Variants in SAT2 observed in about 807,000 individuals in gnomAD.
SAT2 encodes thialysine N-epsilon-acetyltransferase.
In SAT2, 19 loss-of-function variants were observed where a neutral mutation model predicts 24.8. That is an observed-to-expected ratio of 0.77 (90% CI 0.53 to 1.12). The LOEUF (loss-of-function observed/expected upper bound fraction) is 1.12. Among genes scored for constraint, SAT2 ranks in the 50% most tolerant of loss-of-function variants. The probability of loss-of-function intolerance (pLI) is 0.00; values close to 1 mark genes in which losing one functional copy is unlikely to be tolerated. For synonymous variants in SAT2, 77 were observed against 77.4 expected (o/e 0.99, Z 0.03); for missense variants, 190 against 210.7 (o/e 0.90, Z 0.61).
rs758632969 is a variant in SAT2, at chr17:7,627,420, G to T, written c.67-6C>A. ...TTTTCGAATTCGGCTAGCTCCTAAG[G>T]CGTGGGTACGGAAGCTAGATTAGAG... On this transcript the variant is annotated splice_region_variant and splice_polypyrimidine_tract_variant and intron_variant, in intron 1 of 5. Transcript: ENST00000269298. This position sits in a 1 kb window ranked among gnomAD's most constrained non-coding sequence, Gnocchi z 4.8. The T allele has an allele frequency of 5.6e-6, 9 of 1,613,874 alleles. No homozygotes were observed. The highest frequency in any genetic ancestry group is 7.6e-6 in the Non-Finnish European group (9 of 1,179,990).
In SAT2 at chr17:7,627,596, A is replaced by T; in HGVS notation, c.40T>A (p.Cys14Ser). The T allele has an allele frequency of 6.2e-7, 1 of 1,612,250 alleles. No individual in the cohort carries two copies. The highest frequency in any genetic ancestry group is 1.1e-5 in the South Asian group (1 of 90,890). ...CGAATCAGCCTCAGGATATCTCCAC[A>T]GTCTCCCTCCTTGGCCTCTCGGATC... is the stretch of plus-strand genomic sequence containing the variant. ...VRIREAKEGDCGDILRLIREL... is the reference protein window; with the variant it reads ...VRIREAKEGDSGDILRLIREL... The change falls in exon 1 of 6, where the codon TGT becomes AGT. Residue 14 changes from cysteine (C) to serine (S), a missense_variant. Physicochemically the swap from Cys to Ser is moderately radical, Grantham distance 112. Coordinates refer to ENST00000269298, the MANE Select transcript of SAT2 (RefSeq NM_133491.5). The surrounding 1 kb of genome is among the most constrained non-coding windows in gnomAD (Gnocchi z 4.8).
At position 7,626,498 on chromosome 17, in the gene SAT2, C is replaced by T. The variant is rs200187124; in HGVS notation, c.462G>A (p.Trp154Ter). The change falls in exon 6 of 6, where the codon TGG becomes TGA. Residue 154 changes from tryptophan (W) to a stop codon, truncating the protein, a stop_gained. Transcript: ENST00000269298. LOFTEE classifies it high-confidence loss of function. ...CCTCTCCTTGAAAGCAGAAGAAGTGCCAGCCCTCAGCTTCCGTCAGATCTT... is the reference window on the plus strand; with the variant it reads ...CCTCTCCTTGAAAGCAGAAGAAGTGTCAGCCCTCAGCTTCCGTCAGATCTT... ...GAQDLTEAEG[W>*]HFFCFQGEAT... is the part of the protein sequence containing the mutation. The T allele has an allele frequency of 2.5e-6, 4 of 1,614,126 alleles. No individual in the cohort carries two copies. The East Asian group carries it at 8.9e-5, about 36-fold the overall frequency.
At position 7,626,326 on chromosome 17, in the gene SAT2, C is replaced by A. The variant is rs939450125; in HGVS notation, c.*121G>T. 2.4e-5 allele frequency: 26 copies of A among 1,103,802 alleles called. No individual in the cohort carries two copies. Among genetic ancestry groups the A allele is most frequent in the Non-Finnish European group, 3.5e-5 (26 of 753,136 alleles). 68.4% of individuals were successfully genotyped at this position (1,103,802 alleles called of 1,614,324 possible). ...CTCTTCCAATACTTGAGGATAGGCA[C>A]CCCTAACCCTCCTTCCTCCAGGGAG... On this transcript the variant is annotated 3_prime_UTR_variant, in exon 6 of 6. Coordinates refer to ENST00000269298, the MANE Select transcript of SAT2 (RefSeq NM_133491.5).
chr17:7,626,976 G>A lies in SAT2; in HGVS notation c.271C>T (p.Leu91=). The change falls in exon 4 of 6, where the codon CTG becomes TTG. Residue 91 remains leucine, a synonymous_variant. Coordinates refer to ENST00000269298, the MANE Select transcript of SAT2 (RefSeq NM_133491.5). ...TCCGGCATCACATAGATATCCTCCA[G>A]ATAAATGGTGCGTCCCTTCCATGTA... ...YSTWKGRTIY[L]EDIYVMPEYR... is the part of the protein sequence containing the mutation. 1 of 1,614,006 alleles carries A rather than the reference G, an allele frequency of 6.2e-7. No homozygotes were observed. Among genetic ancestry groups the A allele is most frequent in the Non-Finnish European group, 8.5e-7 (1 of 1,179,996 alleles).
In SAT2 at chr17:7,626,945, C is replaced by G. The variant is rs763612506; in HGVS notation, c.302G>C (p.Arg101Pro). ...LEDIYVMPEY[R>P]GQGIGSKIIK... ...CAGCCTCAGCTTCTGCCCAGTACCC[C>G]GATATTCCGGCATCACATAGATATC... Residue 101 changes from arginine (R) to proline (P), a missense_variant and splice_region_variant, in exon 4 of 6, where the codon CGG becomes CCG. Coordinates refer to ENST00000269298, the MANE Select transcript of SAT2 (RefSeq NM_133491.5). 27 of 1,613,422 alleles carry G rather than the reference C, an allele frequency of 1.7e-5. No homozygotes were observed. In the South Asian group the frequency reaches 2.9e-4, roughly 17 times the overall value.
Position 7,627,755 on chromosome 17 carries a change from G to T in SAT2, c.-120C>A, listed in dbSNP as rs761078915. The T allele has an allele frequency of 9.8e-6, 11 of 1,121,528 alleles. No homozygotes were observed. The highest frequency in any genetic ancestry group is 2.6e-5 in the South Asian group (2 of 77,758). 69.5% of individuals were successfully genotyped at this position (1,121,528 alleles called of 1,614,324 possible). On this transcript the variant is annotated 5_prime_UTR_variant, in exon 1 of 6. Transcript: ENST00000269298. This position sits in a 1 kb window ranked among gnomAD's most constrained non-coding sequence, Gnocchi z 4.8. ...GAGAGAGCGGGGTGGCGGGAGTCGG[G>T]GGGGACGGCGGGGTAGCCGCGGCCT...
chr17:7,626,366 G>A lies in SAT2; in HGVS notation c.*81C>T. ...CCTCCAGGGAGGCCTCAGCATCAGT[G>A]TCTGTGGACGTAGTCTCTGAAGAGT... On this transcript the variant is annotated 3_prime_UTR_variant, in exon 6 of 6. Transcript: ENST00000269298. 6.6e-7 allele frequency: 1 copy of A among 1,508,720 alleles called. No homozygotes were observed. Among genetic ancestry groups the A allele is most frequent in the Non-Finnish European group, 9.1e-7 (1 of 1,103,080 alleles). 93.5% of individuals were successfully genotyped at this position (1,508,720 alleles called of 1,614,324 possible).
rs774805709 is a variant in SAT2, at chr17:7,626,940, T to C, written c.304+3A>G. On this transcript the variant is annotated splice_donor_region_variant and intron_variant, in intron 4 of 5. Transcript: ENST00000269298. ...CACCCCAGCCTCAGCTTCTGCCCAGTACCCCGATATTCCGGCATCACATAG... is the reference window on the plus strand; with the variant it reads ...CACCCCAGCCTCAGCTTCTGCCCAGCACCCCGATATTCCGGCATCACATAG... 5.0e-6 allele frequency: 8 copies of C among 1,613,496 alleles called. No individual in the cohort carries two copies. The highest frequency in any genetic ancestry group is 2.5e-6 in the Non-Finnish European group (3 of 1,179,500).
intron 5 of SAT2, 61 bp downstream of exon 5, chr17:7,626,691 TC>T: frequency 1.3e-6 from 2 of 1,572,906 alleles, no homozygotes; most frequent in Admixed American, 1.7e-5. Context: ...TCAACCCGGG[TC>T]CCCCCTCCAT....
chr17:7,627,531 G>T lies in SAT2; in HGVS notation c.66+39C>A. The T allele has an allele frequency of 6.3e-7, 1 of 1,584,744 alleles. No homozygotes were observed. The highest frequency in any genetic ancestry group is 8.7e-7 in the Non-Finnish European group (1 of 1,155,528). ...CCTCCTACGACCCCGCTCTGGCCGC[G>T]CCACTCTGACCCCCGGGTTACCGGC... On this transcript the variant is annotated intron_variant, in intron 1 of 5. Transcript: ENST00000269298. This position sits in a 1 kb window ranked among gnomAD's most constrained non-coding sequence, Gnocchi z 4.8.
chr17:7,627,832 C>A (rs745899905), upstream of SAT2: 37 of 670,620 alleles, frequency 5.5e-5, no homozygotes, highest in East Asian at 9.9e-4. This position sits in a 1 kb window ranked among gnomAD's most constrained non-coding sequence, Gnocchi z 4.8. Flanking sequence ...AGTAGGCCAG[C>A]GAGGCGATCC....
rs1387140228 is a variant in SAT2, at chr17:7,627,376, C to A, written c.105G>T (p.Lys35Asn). Residue 35 changes from lysine (K) to asparagine (N), a missense_variant, in exon 2 of 6, where the codon AAG becomes AAT. Transcript: ENST00000269298. This position sits in a 1 kb window ranked among gnomAD's most constrained non-coding sequence, Gnocchi z 4.8. Reference protein sequence around the residue: ...AEFEKLSDQVKISEEALRADG... With the variant: ...AEFEKLSDQVNISEEALRADG... ...CTGAGCCCCCACCTTCTTCACTGAT[C>A]TTCACCTGATCCGAGAGTTTTTCGA... 1 of 1,614,076 alleles carries A rather than the reference C, an allele frequency of 6.2e-7. No individual in the cohort carries two copies. The highest frequency in any genetic ancestry group is 8.5e-7 in the Non-Finnish European group (1 of 1,180,048).
At chr17:7,627,831 G>C, upstream of SAT2, 1 of 675,174 alleles carries the variant, frequency 1.5e-6, no homozygotes, top group Middle Eastern at 2.4e-4. This position sits in a 1 kb window ranked among gnomAD's most constrained non-coding sequence, Gnocchi z 4.8. Flanking sequence ...GAGTAGGCCA[G>C]CGAGGCGATC....
In SAT2 at chr17:7,626,508, G is replaced by C. The variant is rs749920836; in HGVS notation, c.452C>G (p.Ala151Gly). 1 of 1,614,196 alleles carries C rather than the reference G, an allele frequency of 6.2e-7. No homozygotes were observed. Among genetic ancestry groups the C allele is most frequent in the Admixed American group, 1.7e-5 (1 of 60,010 alleles). ...AAAGCAGAAGAAGTGCCAGCCCTCA[G>C]CTTCCGTCAGATCTTGGGCTCCTAG... The part of the protein sequence containing the change: ...KALGAQDLTE[A>G]EGWHFFCFQG... The change falls in exon 6 of 6, where the codon GCT becomes GGT. Residue 151 changes from alanine to glycine, a missense_variant. Ala to Gly is a moderately conservative substitution (Grantham distance 60, BLOSUM62 0). Transcript: ENST00000269298.
chr17:7,626,357 A>G lies in SAT2; in HGVS notation c.*90T>C. On this transcript the variant is annotated 3_prime_UTR_variant, in exon 6 of 6. Coordinates refer to ENST00000269298, the MANE Select transcript of SAT2 (RefSeq NM_133491.5). ...ACCCTCCTTCCTCCAGGGAGGCCTCAGCATCAGTGTCTGTGGACGTAGTCT... is the reference window on the plus strand; with the variant it reads ...ACCCTCCTTCCTCCAGGGAGGCCTCGGCATCAGTGTCTGTGGACGTAGTCT... The G allele has an allele frequency of 6.9e-7, 1 of 1,453,672 alleles. No homozygotes were observed. The highest frequency in any genetic ancestry group is 1.3e-5 in the South Asian group (1 of 78,008). 90.0% of individuals were successfully genotyped at this position (1,453,672 alleles called of 1,614,324 possible).
rs1267637189 is a variant in SAT2 at position 7,627,612 on chromosome 17, C to T, written c.24G>A (p.Glu8=). The T allele has an allele frequency of 1.2e-6, 2 of 1,613,482 alleles. No homozygotes were observed. Among genetic ancestry groups the T allele is most frequent in the Non-Finnish European group, 1.7e-6 (2 of 1,179,780 alleles). The part of the protein sequence containing the change: MASVRIR[E]AKEGDCGDIL... ...TATCTCCACAGTCTCCCTCCTTGGC[C>T]TCTCGGATCCGCACGGAAGCCATCC... Residue 8 remains glutamate (E), a synonymous_variant, in exon 1 of 6, where the codon GAG becomes GAA. Coordinates refer to ENST00000269298, the MANE Select transcript of SAT2 (RefSeq NM_133491.5). This position sits in a 1 kb window ranked among gnomAD's most constrained non-coding sequence, Gnocchi z 4.8.
Position 7,626,930 on chromosome 17 carries a change from T to TTC in SAT2, c.304+11_304+12dup. On this transcript the variant is annotated intron_variant, in intron 4 of 5. Coordinates refer to ENST00000269298, the MANE Select transcript of SAT2 (RefSeq NM_133491.5). ...GCTTTGCTCCCACCCCAGCCTCAGC[T>TTC]TCTGCCCAGTACCCCGATATTCCGG... The TTC allele has an allele frequency of 6.2e-7, 1 of 1,612,966 alleles. No homozygotes were observed. The highest frequency in any genetic ancestry group is 8.5e-7 in the Non-Finnish European group (1 of 1,179,000).
chr17:7,627,741 G>A lies in SAT2; in HGVS notation c.-106C>T, dbSNP rs748034186. ...ATCCTGAAGAGCCTGAGAGAGCGGG[G>A]TGGCGGGAGTCGGGGGGGACGGCGG... On this transcript the variant is annotated 5_prime_UTR_variant, in exon 1 of 6. Coordinates refer to ENST00000269298, the MANE Select transcript of SAT2 (RefSeq NM_133491.5). This position sits in a 1 kb window ranked among gnomAD's most constrained non-coding sequence, Gnocchi z 4.8. The A allele has an allele frequency of 1.5e-6, 2 of 1,353,338 alleles. No individual in the cohort carries two copies. The highest frequency in any genetic ancestry group is 2.1e-6 in the Non-Finnish European group (2 of 953,150). 83.8% of individuals were successfully genotyped at this position (1,353,338 alleles called of 1,614,324 possible).
At position 7,627,503 on chromosome 17, in the gene SAT2, C is replaced by A; in HGVS notation, c.66+67G>T. The A allele has an allele frequency of 6.3e-7, 1 of 1,595,398 alleles. No individual in the cohort carries two copies. The highest frequency in any genetic ancestry group is 8.6e-7 in the Non-Finnish European group (1 of 1,164,406). On this transcript the variant is annotated intron_variant, in intron 1 of 5. Coordinates refer to ENST00000269298, the MANE Select transcript of SAT2 (RefSeq NM_133491.5). This position sits in a 1 kb window ranked among gnomAD's most constrained non-coding sequence, Gnocchi z 4.8. ...CCAAGGCGAGCCCCTCCCCCTGCCC[C>A]CGCCTCCTACGACCCCGCTCTGGCC...
Sources: gnomAD v4.1 joint callset for allele counts on GRCh38, gnomAD v4.1.1 for gene constraint, Gnocchi (gnomAD v3.1) non-coding constraint, MANE v1.5 for transcripts, NCBI Gene and HGNC (gene_info 2026-07-23, HGNC 2026-07-21) for gene names.